Variants in GRID2 observed in about 807,000 individuals in gnomAD.
The protein encoded by GRID2 is glutamate ionotropic receptor delta type subunit 2, also known as glutamate receptor ionotropic, delta-2.
In GRID2, 33 loss-of-function variants were observed where a neutral mutation model predicts 114.8. That is an observed-to-expected ratio of 0.29 (90% CI 0.22 to 0.38). The LOEUF is 0.38. Ranked by LOEUF, GRID2 falls within the 10% of genes least tolerant of loss-of-function variation. The probability of loss-of-function intolerance (pLI) is 1.00; values close to 1 mark genes in which losing one functional copy is unlikely to be tolerated. For missense variants in GRID2, 1,184 were observed against 1,257.7 expected (o/e 0.94, Z 0.89); for synonymous variants, 505 against 449.9 (o/e 1.12, Z -1.55).
chr4:92,478,543 A>C (rs1323288296), intron 1 of GRID2, among the ~76,000 whole-genome samples: 1 of 152,128 alleles, frequency 6.6e-6, no homozygotes, highest in Non-Finnish European at 1.5e-5. Context: ...TCATATTTAC[A>C]TCAAAACTCT....
chr4:93,448,242 A>G (rs1461803068), intron 10 of GRID2, among the ~76,000 whole-genome samples: 1 of 151,974 alleles, frequency 6.6e-6, no homozygotes, highest in African/African-American at 2.4e-5. Flanking sequence ...CAAAACGTTA[A>G]CTGGAAAAAA....
chr4:93,216,808 C>G lies in GRID2; in HGVS notation c.860C>G (p.Thr287Arg). 2 of 1,612,058 alleles carry G rather than the reference C, an allele frequency of 1.2e-6. No homozygotes were observed. Among genetic ancestry groups the G allele is most frequent in the African/African-American group, 2.7e-5 (2 of 74,960 alleles). The change falls in exon 6 of 16, where the codon ACA becomes AGA. Residue 287 changes from threonine to arginine, a missense_variant. Coordinates refer to ENST00000282020, the MANE Select transcript of GRID2 (RefSeq NM_001510.4). ...SIGRLTIIRQ[T>R]FPVPQNISQR... ...GGAAGGTTAACGATTATTCGGCAGACATTTCCAGTTCCCCAGAACATAAGT... is the reference window on the plus strand; with the variant it reads ...GGAAGGTTAACGATTATTCGGCAGAGATTTCCAGTTCCCCAGAACATAAGT...
chr4:93,653,099 G>T (rs968972583), intron 14 of GRID2, among the ~76,000 whole-genome samples: 3 of 152,132 alleles, frequency 2.0e-5, no homozygotes, highest in African/African-American at 7.2e-5. Context: ...ACTCTTTGAA[G>T]CTGGGAGACC....
chr4:93,507,122 A>C (rs1728709307), intron 12 of GRID2, among the ~76,000 whole-genome samples: 1 of 152,210 alleles, frequency 6.6e-6, no homozygotes, highest in African/African-American at 2.4e-5. Flanking sequence ...TTCATTAAAT[A>C]AGGACACCCC....
chr4:93,390,166 T>A (rs562727896), intron 8 of GRID2, among the ~76,000 whole-genome samples: 1 of 152,358 alleles, frequency 6.6e-6, no homozygotes, highest in African/African-American at 2.4e-5. Context: ...AAACTACTGA[T>A]GCCTTGGTTA....
chr4:93,366,115 G>A (rs1283127873), intron 8 of GRID2, among the ~76,000 whole-genome samples: 1 of 151,968 alleles, frequency 6.6e-6, no homozygotes, highest in African/African-American at 2.4e-5. Context: ...TATGAAATGT[G>A]GGCACCTTAA....
At chr4:92,756,296 G>A (rs552110368) in intron 2 of GRID2, among the ~76,000 whole-genome samples, 2 of 152,122 alleles carry the variant, frequency 1.3e-5, no homozygotes, top group East Asian at 1.9e-4. Context: ...TAGCTAAATA[G>A]TATTTCATTG....
At chr4:92,630,244 C>T (rs1019490488) in intron 2 of GRID2, among the ~76,000 whole-genome samples, 4 of 152,204 alleles carry the variant, frequency 2.6e-5, no homozygotes, top group East Asian at 3.9e-4. Context: ...AATGGCTACC[C>T]TGATGCTTGC....
chr4:93,383,327 G>C (rs28480348), intron 8 of GRID2, among the ~76,000 whole-genome samples: 26,549 of 151,928 alleles, frequency 0.17, 4,199 homozygotes, highest in African/African-American at 0.43. Flanking sequence ...GCCCATGCTG[G>C]CTTTTGTGAA....
At chr4:92,783,184 T>C (rs1211086010) in intron 2 of GRID2, among the ~76,000 whole-genome samples, 1 of 152,100 alleles carries the variant, frequency 6.6e-6, no homozygotes, top group Non-Finnish European at 1.5e-5. Flanking sequence ...CAAATAGTTC[T>C]GAAGCAAGGG....
intron 2 of GRID2, among the ~76,000 whole-genome samples, chr4:92,674,061 C>T (rs564225987): frequency 6.6e-6 from 1 of 152,164 alleles, no homozygotes; most frequent in East Asian, 1.9e-4. Flanking sequence ...TTACAAGCTA[C>T]TTTATATTTG....
At chr4:92,849,428 A>G (rs992729750) in intron 2 of GRID2, among the ~76,000 whole-genome samples, 3 of 151,914 alleles carry the variant, frequency 2.0e-5, no homozygotes, top group African/African-American at 2.4e-5. Context: ...AGACCATGCA[A>G]TGAGTTAGGG....
chr4:92,542,144 T>C (rs1019941680), intron 1 of GRID2, among the ~76,000 whole-genome samples: 1 of 152,082 alleles, frequency 6.6e-6, no homozygotes, highest in African/African-American at 2.4e-5. Flanking sequence ...GCTGATATGG[T>C]ATAATAATTA....
At position 92,729,730 on chromosome 4, in the gene GRID2, A is replaced by G. The variant is rs142772224; in HGVS notation, c.244+139444A>G. On this transcript the variant is annotated intron_variant, in intron 2 of 15. Transcript: ENST00000282020. Reference sequence around the variant, plus strand: ...TAAGCTAGTTTACCTGCTAATCAGTATGAGACCAAAACAGTGATTCACCTT... The same window carrying G: ...TAAGCTAGTTTACCTGCTAATCAGTGTGAGACCAAAACAGTGATTCACCTT... Among the ~76,000 whole-genome samples the G allele has an allele frequency of 8.9e-4, 136 of 152,144 alleles. 2 individuals are homozygous for G. The highest frequency in any genetic ancestry group is 3.0e-3 in the African/African-American group (126 of 41,566).
intron 13 of GRID2, among the ~76,000 whole-genome samples, chr4:93,556,633 C>G (rs1734340000): frequency 6.6e-6 from 1 of 152,086 alleles, no homozygotes; most frequent in South Asian, 2.1e-4. Context: ...ACTGGTGTAC[C>G]TCAATGTGAC....
chr4:92,688,851 C>A (rs1258595908), intron 2 of GRID2, among the ~76,000 whole-genome samples: 1 of 151,996 alleles, frequency 6.6e-6, no homozygotes, highest in East Asian at 1.9e-4. Flanking sequence ...TGTATTTTGC[C>A]AAGGTCTATC....
At chr4:92,956,976 T>C (rs554540477) in intron 2 of GRID2, among the ~76,000 whole-genome samples, 89 of 152,346 alleles carry the variant, frequency 5.8e-4, no homozygotes, top group African/African-American at 2.1e-3. Context: ...AGGTATCTTT[T>C]AATGTATTTG....
At chr4:92,339,271 T>C (rs2110159071) in intron 1 of GRID2, among the ~76,000 whole-genome samples, 1 of 152,280 alleles carries the variant, frequency 6.6e-6, no homozygotes, top group East Asian at 1.9e-4. Flanking sequence ...GTTCTATCTA[T>C]GTTGCTGCTA....
chr4:92,586,389 C>T (rs981733413), intron 1 of GRID2, among the ~76,000 whole-genome samples: 1 of 151,018 alleles, frequency 6.6e-6, no homozygotes, highest in African/African-American at 2.4e-5. Context: ...CACACACACA[C>T]ACACATACAC....
Sources: allele counts gnomAD v4.1 joint callset (sites outside exome capture counted in the v4.1 genomes callset), GRCh38; gene constraint gnomAD v4.1.1; transcripts MANE v1.5; gene names NCBI Gene and HGNC (gene_info 2026-07-23, HGNC 2026-07-21).